PCDHGA10: variants seen among roughly 807,000 people sequenced by gnomAD.
The protein encoded by PCDHGA10 is protocadherin gamma-A10.
A neutral mutation model predicts 59.5 loss-of-function variants in PCDHGA10; 42 were observed. The observed-to-expected ratio is 0.71, with a 90% confidence interval of 0.55 to 0.91. The LOEUF is 0.91. Ranked by LOEUF, PCDHGA10 falls within the 40% of genes least tolerant of loss-of-function variation. The probability of loss-of-function intolerance (pLI) is 0.00; values close to 1 mark genes in which losing one functional copy is unlikely to be tolerated. For synonymous variants in PCDHGA10, 511 were observed against 517.2 expected, an observed-to-expected ratio of 0.99 and a Z score of 0.16; for missense variants, 1,111 against 1,198.2, an observed-to-expected ratio of 0.93 and a Z score of 1.07.
chr5:141,414,457 G>C lies in PCDHGA10; in HGVS notation c.1282G>C (p.Ala428Pro). The C allele has an allele frequency of 1.2e-6, 2 of 1,613,872 alleles. No homozygotes were observed. The highest frequency in any genetic ancestry group is 1.7e-6 in the Non-Finnish European group (2 of 1,179,864). Residue 428 changes from alanine to proline, a missense_variant, in exon 1 of 4, where the codon GCC becomes CCC. Ala to Pro is a conservative substitution (Grantham distance 27). Coordinates refer to ENST00000398610, the MANE Select transcript of PCDHGA10 (RefSeq NM_018913.3). ...QVSSYNITVTATDGGSPPLST... is the reference protein window; with the variant it reads ...QVSSYNITVTPTDGGSPPLST... ...ATCCTCTTACAATATCACAGTGACA[G>C]CCACAGATGGGGGAAGTCCTCCTCT...
At chr5:141,418,481 C>G (rs1438009750) in intron 1 of PCDHGA10, 1 of 1,614,006 alleles carries the variant, frequency 6.2e-7, no homozygotes, top group Admixed American at 1.7e-5. Context: ...GCAGAGCGCT[C>G]ACCACTTGGT....
At chr5:141,506,805 G>A (rs1314432893) in intron 3 of PCDHGA10, among the ~76,000 whole-genome samples, 1 of 152,172 alleles carries the variant, frequency 6.6e-6, no homozygotes, top group African/African-American at 2.4e-5. Flanking sequence ...GAGGATCAAG[G>A]CATTGCCCTA....
At chr5:141,466,689 A>G (rs2099127361) in intron 1 of PCDHGA10, among the ~76,000 whole-genome samples, 1 of 152,220 alleles carries the variant, frequency 6.6e-6, no homozygotes, top group Admixed American at 6.5e-5. Context: ...CTCAAGCTTC[A>G]TCATAAATTT....
chr5:141,470,022 G>A (rs892106953), intron 1 of PCDHGA10, among the ~76,000 whole-genome samples: 2 of 152,188 alleles, frequency 1.3e-5, no homozygotes, highest in African/African-American at 2.4e-5. Context: ...CCAGCTACTC[G>A]GGATGCTGAG....
chr5:141,419,322 C>T lies in PCDHGA10; in HGVS notation c.2436+3711C>T, dbSNP rs370480327. The stretch of plus-strand genomic sequence containing the variant: ...GACTTCGGGCTCAACGGCCGTGTCT[C>T]CTACTCTCTCATTGCCAGCGACCTG... On this transcript the variant is annotated intron_variant, in intron 1 of 3. Transcript: ENST00000398610. 164 of 1,613,852 alleles carry T rather than the reference C, an allele frequency of 1.0e-4. No individual in the cohort carries two copies. Among genetic ancestry groups the T allele is most frequent in the Non-Finnish European group, 1.3e-4 (153 of 1,179,898 alleles).
rs1345224043 is a variant in PCDHGA10, at chr5:141,487,695, C to G, written c.2437-7112C>G. Reference sequence around the variant, plus strand: ...TGGCTAGGCCATGTCCTAGAGAGTACTGGCCTCTCAGTAAGTGCCCATAGT... The same window carrying G: ...TGGCTAGGCCATGTCCTAGAGAGTAGTGGCCTCTCAGTAAGTGCCCATAGT... On this transcript the variant is annotated intron_variant, in intron 1 of 3. Transcript: ENST00000398610. The surrounding 1 kb of genome is among the most constrained non-coding windows in gnomAD (Gnocchi z 5.0). 1 of 1,601,306 alleles carries G rather than the reference C, an allele frequency of 6.2e-7. No individual in the cohort carries two copies.
chr5:141,507,849 C>CA (rs2099864208), intron 3 of PCDHGA10, among the ~76,000 whole-genome samples: 1 of 152,222 alleles, frequency 6.6e-6, no homozygotes, highest in African/African-American at 2.4e-5. Flanking sequence ...GCCCTGCTCT[C>CA]ACTTTCACAC....
At position 141,431,159 on chromosome 5, in the gene PCDHGA10, C is replaced by T. The variant is rs1017606383; in HGVS notation, c.2436+15548C>T. Reference sequence around the variant, plus strand: ...CATTAACGACAATGCGCCTTACTTTCGTGAAAGTGAATTAGAAATAAAAAT... The same window carrying T: ...CATTAACGACAATGCGCCTTACTTTTGTGAAAGTGAATTAGAAATAAAAAT... On this transcript the variant is annotated intron_variant, in intron 1 of 3. Transcript: ENST00000398610. The surrounding 1 kb of genome is among the most constrained non-coding windows in gnomAD (Gnocchi z 4.8). 1 of 1,614,158 alleles carries T rather than the reference C, an allele frequency of 6.2e-7. No individual in the cohort carries two copies. The highest frequency in any genetic ancestry group is 1.3e-5 in the African/African-American group (1 of 75,046).
intron 1 of PCDHGA10, among the ~76,000 whole-genome samples, chr5:141,443,122 A>C (rs1239492679): frequency 6.6e-6 from 1 of 152,138 alleles, no homozygotes; most frequent in East Asian, 1.9e-4. Flanking sequence ...TTCAAACCAG[A>C]TTAAGAACAC....
In PCDHGA10 at chr5:141,486,600, C is replaced by G. The variant is rs748395954; in HGVS notation, c.2437-8207C>G. Reference sequence around the variant, plus strand: ...AATCGCCCAGGGGACCTGCTTTGCTCCCTTGCAGCCTCTGACCCAGACTCT... The same window carrying G: ...AATCGCCCAGGGGACCTGCTTTGCTGCCTTGCAGCCTCTGACCCAGACTCT... On this transcript the variant is annotated intron_variant, in intron 1 of 3. Transcript: ENST00000398610. This position sits in a 1 kb window ranked among gnomAD's most constrained non-coding sequence, Gnocchi z 5.0. 21 of 1,613,602 alleles carry G rather than the reference C, an allele frequency of 1.3e-5. No individual in the cohort carries two copies. Among genetic ancestry groups the G allele is most frequent in the South Asian group, 2.2e-5 (2 of 91,086 alleles).
rs1433790348 is a variant in PCDHGA10, at chr5:141,431,831, G to A, written c.2436+16220G>A. The A allele has an allele frequency of 1.2e-6, 2 of 1,614,110 alleles. No homozygotes were observed. The highest frequency in any genetic ancestry group is 1.7e-6 in the Non-Finnish European group (2 of 1,180,040). On this transcript the variant is annotated intron_variant, in intron 1 of 3. Transcript: ENST00000398610. The surrounding 1 kb of genome is among the most constrained non-coding windows in gnomAD (Gnocchi z 4.8). Reference sequence around the variant, plus strand: ...CACCTCTCTCGCCAGCTCGGTTCCCGAAAACTCTCCCAGAGGGACATTAAT... The same window carrying A: ...CACCTCTCTCGCCAGCTCGGTTCCCAAAAACTCTCCCAGAGGGACATTAAT...
At chr5:141,481,739 G>A (rs1034725934) in intron 1 of PCDHGA10, among the ~76,000 whole-genome samples, 1 of 152,082 alleles carries the variant, frequency 6.6e-6, no homozygotes, top group Non-Finnish European at 1.5e-5. Flanking sequence ...GGATCACGAG[G>A]TCAGGAGTCC....
rs2099417733 is a variant in PCDHGA10, at chr5:141,477,771, G to C, written c.2437-17036G>C. ...ACCCCGGTCCTAGCCACCAACATCAGCGTGAACATATTTGTCACTGATCGC... is the reference window on the plus strand; with the variant it reads ...ACCCCGGTCCTAGCCACCAACATCACCGTGAACATATTTGTCACTGATCGC... On this transcript the variant is annotated intron_variant, in intron 1 of 3. Transcript: ENST00000398610. This position sits in a 1 kb window ranked among gnomAD's most constrained non-coding sequence, Gnocchi z 4.9. 3 of 1,613,992 alleles carry C rather than the reference G, an allele frequency of 1.9e-6. No homozygotes were observed. The highest frequency in any genetic ancestry group is 3.3e-4 in the Middle Eastern group (2 of 6,062).
chr5:141,460,924 A>ATATATG (rs1561985817), intron 1 of PCDHGA10, among the ~76,000 whole-genome samples: 1 of 150,496 alleles, frequency 6.6e-6, no homozygotes, highest in African/African-American at 2.4e-5. Flanking sequence ...ATATATATAT[A>ATATATG]TGTGTGTGTG....
chr5:141,417,678 A>G (rs1306009640), intron 1 of PCDHGA10: 4 of 997,368 alleles, frequency 4.0e-6, no homozygotes, highest in Non-Finnish European at 5.7e-6. Flanking sequence ...GCAGCCAACA[A>G]CAGAAAAGAA....
At chr5:141,427,100 T>G (rs1270371842) in intron 1 of PCDHGA10, 1 of 458,010 alleles carries the variant, frequency 2.2e-6, no homozygotes, top group Non-Finnish European at 4.4e-6. Flanking sequence ...AGGGTGTCAA[T>G]GCGGAGATCA....
At chr5:141,481,346 C>T (rs2099536003) in intron 1 of PCDHGA10, among the ~76,000 whole-genome samples, 1 of 152,248 alleles carries the variant, frequency 6.6e-6, no homozygotes, top group Non-Finnish European at 1.5e-5. Context: ...ATTATTTAAA[C>T]ATCTACAGCT....
intron 1 of PCDHGA10, chr5:141,442,491 T>G (rs1438583747): frequency 6.6e-6 from 1 of 152,236 alleles, no homozygotes; most frequent in Non-Finnish European, 1.5e-5. Flanking sequence ...AGGGGATGAT[T>G]GTGATTATTC....
At chr5:141,422,217 C>T (rs1207888890) in intron 1 of PCDHGA10, 2 of 1,563,582 alleles carry the variant, frequency 1.3e-6, no homozygotes, top group Admixed American at 2.0e-5. Context: ...GTCTCTTTAC[C>T]ACCACGACGA....
Sources: allele counts gnomAD v4.1 joint callset (sites outside exome capture counted in the v4.1 genomes callset), GRCh38; gene constraint gnomAD v4.1.1; non-coding constraint Gnocchi (gnomAD v3.1); transcripts MANE v1.5; gene names NCBI Gene and HGNC (gene_info 2026-07-23, HGNC 2026-07-21).